The following LSAMP variants were observed in gnomAD, a reference collection of about 807,000 sequenced individuals.
LSAMP encodes the protein limbic system-associated membrane protein.
A neutral mutation model predicts 38.6 loss-of-function variants in LSAMP; 7 were observed. That is an observed-to-expected ratio of 0.18 (90% CI 0.10 to 0.34). The LOEUF is 0.34. Among genes scored for constraint, LSAMP ranks in the 10% least tolerant of loss-of-function variants. The pLI is 1.00. For synonymous variants in LSAMP, 154 were observed against 166.8 expected (o/e 0.92, Z 0.59); for missense variants, 313 against 420.0 (o/e 0.75, Z 2.23).
chr3:116,417,340 G>A (rs1465015246), intron 1 of LSAMP, among the ~76,000 whole-genome samples: 4 of 152,208 alleles, frequency 2.6e-5, no homozygotes, highest in Non-Finnish European at 4.4e-5. Flanking sequence ...TCCTAGCCAC[G>A]TGGAAACCCA....
rs1047600064 is a variant in LSAMP at position 116,341,284 on chromosome 3, TTTG to T, written c.155+103590_155+103592del. Among the ~76,000 whole-genome samples, 5 of 152,104 alleles carry T rather than the reference TTTG, an allele frequency of 3.3e-5. No individual in the cohort carries two copies. The East Asian group carries it at 5.8e-4, about 18-fold the overall frequency. On this transcript the variant is annotated intron_variant, in intron 1 of 6. Transcript: ENST00000490035. ...ATAAAAATAGTGTTAAAAAGTGTTTTTTGTTGTTGTTGGTGGTGGTGGTGTAGT... is the reference window on the plus strand; with the variant it reads ...ATAAAAATAGTGTTAAAAAGTGTTTTTTGTTGTTGGTGGTGGTGGTGTAGT...
At chr3:116,079,281 T>A (rs1707820104) in intron 2 of LSAMP, among the ~76,000 whole-genome samples, 1 of 152,202 alleles carries the variant, frequency 6.6e-6, no homozygotes, top group Admixed American at 6.5e-5. Flanking sequence ...TCACTCAGAA[T>A]CCTTTCTTCT....
At chr3:116,412,635 A>G (rs2048994930) in intron 1 of LSAMP, among the ~76,000 whole-genome samples, 1 of 152,144 alleles carries the variant, frequency 6.6e-6, no homozygotes, top group African/African-American at 2.4e-5. Context: ...TGGGTCGAAG[A>G]AAGCTGTCAC....
At chr3:116,192,399 C>T (rs1449032101) in intron 1 of LSAMP, among the ~76,000 whole-genome samples, 1 of 152,208 alleles carries the variant, frequency 6.6e-6, no homozygotes, top group African/African-American at 2.4e-5. Flanking sequence ...TCACTTGCTT[C>T]CCTGCCCAGC....
At chr3:116,114,174 C>G (rs769249791) in intron 1 of LSAMP, among the ~76,000 whole-genome samples, 1 of 152,306 alleles carries the variant, frequency 6.6e-6, no homozygotes, top group South Asian at 2.1e-4. Flanking sequence ...TCCAAAGACT[C>G]CCTATACCTA....
At chr3:116,211,234 C>T (rs1185064237) in intron 1 of LSAMP, among the ~76,000 whole-genome samples, 1 of 152,144 alleles carries the variant, frequency 6.6e-6, no homozygotes, top group Non-Finnish European at 1.5e-5. Context: ...TGCAAAATTG[C>T]ATTTAGACAG....
intron 1 of LSAMP, among the ~76,000 whole-genome samples, chr3:116,435,618 C>G (rs1341322142): frequency 2.0e-5 from 3 of 152,178 alleles, no homozygotes; most frequent in Non-Finnish European, 4.4e-5. Context: ...CTTCACCACT[C>G]AGGAGCCAGA....
chr3:116,372,803 T>C (rs1161428443), intron 1 of LSAMP, among the ~76,000 whole-genome samples: 1 of 151,118 alleles, frequency 6.6e-6, no homozygotes, highest in Non-Finnish European at 1.5e-5. Flanking sequence ...TCACTAATCA[T>C]TAGGGAAAAG....
intron 2 of LSAMP, among the ~76,000 whole-genome samples, chr3:116,038,511 C>T (rs1406170644): frequency 6.6e-6 from 1 of 152,132 alleles, no homozygotes; most frequent in Non-Finnish European, 1.5e-5. Flanking sequence ...GTAGAGAAAA[C>T]TAAAGCATTA....
At chr3:116,162,778 C>T (rs942785729) in intron 1 of LSAMP, among the ~76,000 whole-genome samples, 7 of 151,322 alleles carry the variant, frequency 4.6e-5, no homozygotes, top group Non-Finnish European at 1.0e-4. Flanking sequence ...TACACACACA[C>T]ACACACACAC....
At chr3:116,128,018 G>A (rs1204072291) in intron 1 of LSAMP, among the ~76,000 whole-genome samples, 1 of 152,050 alleles carries the variant, frequency 6.6e-6, no homozygotes, top group Non-Finnish European at 1.5e-5. Context: ...AGGTGATTGG[G>A]ACCCTTGGAG....
chr3:116,198,051 A>C (rs1314410982), intron 1 of LSAMP, among the ~76,000 whole-genome samples: 1 of 152,354 alleles, frequency 6.6e-6, no homozygotes, highest in Middle Eastern at 3.4e-3. Context: ...AGCAAGAGCC[A>C]TTCGTGGTGA....
At chr3:116,222,673 ATCT>A (rs1324242339) in intron 1 of LSAMP, among the ~76,000 whole-genome samples, 3 of 139,282 alleles carry the variant, frequency 2.2e-5, no homozygotes, top group African/African-American at 5.6e-5. Flanking sequence ...GGAAATCAAC[ATCT>A]TCTTTGAGTC....
intron 1 of LSAMP, among the ~76,000 whole-genome samples, chr3:116,144,562 C>CTTTTTTTTTTTTTTTTTTTTTTT (rs3071080): frequency 7.0e-6 from 1 of 142,148 alleles, no homozygotes; most frequent in Non-Finnish European, 1.5e-5. Context: ...CATCACCTTA[C>CTTTTTTTTTTTTTTTTTTTTTTT]TTTTTTTTTT....
At chr3:116,168,704 T>C (rs1710121779) in intron 1 of LSAMP, among the ~76,000 whole-genome samples, 1 of 152,136 alleles carries the variant, frequency 6.6e-6, no homozygotes, top group African/African-American at 2.4e-5. Context: ...CCGAACATCT[T>C]CCCCACTGAT....
At chr3:116,215,535 A>G (rs1409881383) in intron 1 of LSAMP, among the ~76,000 whole-genome samples, 1 of 152,140 alleles carries the variant, frequency 6.6e-6, no homozygotes, top group African/African-American at 2.4e-5. Flanking sequence ...TATCTTCATC[A>G]AGACCACCTA....
At chr3:115,952,709 C>G (rs534343355) in intron 3 of LSAMP, among the ~76,000 whole-genome samples, 3 of 152,210 alleles carry the variant, frequency 2.0e-5, no homozygotes, top group African/African-American at 7.2e-5. Flanking sequence ...TCCCCAAAAA[C>G]TATTGAAATA....
intron 1 of LSAMP, among the ~76,000 whole-genome samples, chr3:116,191,929 T>A (rs1710763672): frequency 6.6e-6 from 1 of 152,070 alleles, no homozygotes; most frequent in Admixed American, 6.6e-5. Context: ...TGAAGTGTGA[T>A]CTCCAGTAAA....
intron 1 of LSAMP, among the ~76,000 whole-genome samples, chr3:116,382,519 G>C (rs2048574038): frequency 7.3e-6 from 1 of 136,586 alleles, no homozygotes; most frequent in African/African-American, 2.6e-5. Context: ...TCGGGGGAGG[G>C]GGGAGGGATA....
Sources: allele counts gnomAD v4.1 joint callset (sites outside exome capture counted in the v4.1 genomes callset), GRCh38; gene constraint gnomAD v4.1.1; transcripts MANE v1.5; gene names NCBI Gene and HGNC (gene_info 2026-07-23, HGNC 2026-07-21).